The following GRM8 variants were observed in gnomAD, a reference collection of about 807,000 sequenced individuals.
GRM8 encodes the protein glutamate metabotropic receptor 8, also known as metabotropic glutamate receptor 8.
In GRM8, 47 loss-of-function variants were observed where a neutral mutation model predicts 87.2. That is an observed-to-expected ratio of 0.54 (90% CI 0.43 to 0.69). GRM8 has a LOEUF of 0.69. GRM8 is among the 30% of genes least tolerant of loss of function. GRM8 has a pLI of 0.00. For synonymous variants in GRM8, 396 were observed against 404.5 expected, an observed-to-expected ratio of 0.98 and a Z score of 0.25; for missense variants, 1,019 against 1,139.2, an observed-to-expected ratio of 0.89 and a Z score of 1.52.
rs559508665 is a variant in GRM8 at position 126,458,174 on chromosome 7, G to A, written c.2431-11802C>T. Among the ~76,000 whole-genome samples the A allele has an allele frequency of 4.4e-4, 67 of 151,068 alleles. 1 individual carries two copies. The highest frequency in any genetic ancestry group is 1.5e-3 in the African/African-American group (63 of 41,414). ...TCAGAGAAGACAAAAAAAGAAACAT[G>A]AGAACATAGTAAAAAGAAAACAGAA... On this transcript the variant is annotated intron_variant, in intron 9 of 10. Coordinates refer to ENST00000339582, the MANE Select transcript of GRM8 (RefSeq NM_000845.3).
At chr7:126,669,005 A>C (rs1396756232) in intron 7 of GRM8, among the ~76,000 whole-genome samples, 1 of 152,232 alleles carries the variant, frequency 6.6e-6, no homozygotes. Flanking sequence ...GAATGACATC[A>C]TGTCCTTTGC....
chr7:126,479,973 G>C (rs2150589341), intron 9 of GRM8, among the ~76,000 whole-genome samples: 1 of 152,184 alleles, frequency 6.6e-6, no homozygotes, highest in East Asian at 1.9e-4. Context: ...ACCAGAATGT[G>C]ATGGCAACCC....
intron 3 of GRM8, among the ~76,000 whole-genome samples, chr7:126,909,841 C>T (rs13246983): frequency 2.6e-5 from 4 of 152,074 alleles, no homozygotes; most frequent in South Asian, 2.1e-4. Flanking sequence ...GGGGTACCAA[C>T]GGCTTGCAAG....
intron 3 of GRM8, among the ~76,000 whole-genome samples, chr7:127,067,224 G>A (rs2132644683): frequency 6.6e-6 from 1 of 152,270 alleles, no homozygotes; most frequent in South Asian, 2.1e-4. Flanking sequence ...TTCAAGAGGA[G>A]CATCATAAAC....
chr7:126,702,852 A>G (rs1327639857), intron 7 of GRM8, among the ~76,000 whole-genome samples: 2 of 152,202 alleles, frequency 1.3e-5, no homozygotes, highest in Non-Finnish European at 2.9e-5. Context: ...CTGTCACAGA[A>G]TGCTAAGTGA....
At chr7:126,803,975 C>A (rs1007476882) in intron 6 of GRM8, among the ~76,000 whole-genome samples, 2 of 152,000 alleles carry the variant, frequency 1.3e-5, no homozygotes, top group Non-Finnish European at 2.9e-5. Flanking sequence ...TGATTGAGTA[C>A]CTTTTCTTTT....
chr7:127,019,052 T>G (rs1483058172), intron 3 of GRM8, among the ~76,000 whole-genome samples: 2 of 152,024 alleles, frequency 1.3e-5, no homozygotes, highest in Non-Finnish European at 2.9e-5. Flanking sequence ...GGAGTTATTA[T>G]TGTTAAGGAA....
intron 2 of GRM8, among the ~76,000 whole-genome samples, chr7:127,221,291 T>C (rs927566896): frequency 6.6e-6 from 1 of 152,164 alleles, no homozygotes; most frequent in Non-Finnish European, 1.5e-5. Context: ...CCCAGGCCAG[T>C]GGTTTTCACA....
At chr7:126,478,486 T>C (rs188947475) in intron 9 of GRM8, among the ~76,000 whole-genome samples, 329 of 152,222 alleles carry the variant, frequency 2.2e-3, no homozygotes, top group Admixed American at 3.6e-3. Context: ...TTCTCATAAT[T>C]AGAATAATTA....
intron 10 of GRM8, 47 bp from the exon 11 acceptor site, chr7:126,439,215 T>C (rs1801171443): frequency 4.0e-6 from 4 of 1,010,912 alleles, no homozygotes; most frequent in Non-Finnish European, 6.3e-6. Flanking sequence ...TAATAATACA[T>C]CCTTTTGTTA....
At chr7:127,133,476 C>G (rs1428230560) in intron 2 of GRM8, among the ~76,000 whole-genome samples, 2 of 151,738 alleles carry the variant, frequency 1.3e-5, no homozygotes, top group Non-Finnish European at 2.9e-5. Flanking sequence ...CTTTGGGATG[C>G]CGAGGCAGGC....
chr7:126,990,433 C>T (rs896987011), intron 3 of GRM8, among the ~76,000 whole-genome samples: 6 of 151,760 alleles, frequency 4.0e-5, no homozygotes, highest in East Asian at 1.9e-4. Context: ...ATTTTGCAAC[C>T]GTGAAATAAA....
At chr7:126,991,433 T>C (rs992224399) in intron 3 of GRM8, among the ~76,000 whole-genome samples, 1 of 152,220 alleles carries the variant, frequency 6.6e-6, no homozygotes, top group Non-Finnish European at 1.5e-5. Context: ...TTTCCATTTA[T>C]AGCTTTCCAT....
intron 3 of GRM8, among the ~76,000 whole-genome samples, chr7:127,074,780 T>C (rs532823863): frequency 6.6e-6 from 1 of 152,306 alleles, no homozygotes; most frequent in South Asian, 2.1e-4. Flanking sequence ...TAATATCTCT[T>C]GCTGGCACCT....
intron 2 of GRM8, among the ~76,000 whole-genome samples, chr7:127,113,374 C>T (rs1826496573): frequency 6.6e-6 from 1 of 152,206 alleles, no homozygotes; most frequent in South Asian, 2.1e-4. Flanking sequence ...TTCAATCTTT[C>T]TGCAAGAAAC....
intron 2 of GRM8, among the ~76,000 whole-genome samples, chr7:127,165,300 G>A (rs1201162693): frequency 6.6e-6 from 1 of 150,776 alleles, no homozygotes; most frequent in African/African-American, 2.4e-5. Context: ...CTAAAAGGGT[G>A]ACATTTTGAT....
At chr7:126,540,200 A>G (rs1216698820) in intron 8 of GRM8, among the ~76,000 whole-genome samples, 1 of 152,160 alleles carries the variant, frequency 6.6e-6, no homozygotes, top group African/African-American at 2.4e-5. Flanking sequence ...GTGCATGAAA[A>G]TATACCTAAC....
rs995067862 is a variant in GRM8 at position 127,106,619 on chromosome 7, G to C, written c.604C>G (p.Gln202Glu). The C allele has an allele frequency of 1.2e-6, 2 of 1,613,816 alleles. No homozygotes were observed. The highest frequency in any genetic ancestry group is 2.7e-5 in the African/African-American group (2 of 74,928). The change falls in exon 3 of 11, where the codon CAA (glutamine) becomes GAA (glutamate). Residue 202 changes from glutamine to glutamate, a missense_variant. Gln to Glu is a conservative substitution (Grantham distance 29). Transcript: ENST00000339582. ...ACGATGTCCACCATGGCTTGGGCTT[G>C]GTAGGAGTCAGGCGGAACCACTCGA... is the stretch of plus-strand genomic sequence containing the variant. ...FSRVVPPDSY[Q>E]AQAMVDIVTA... is the part of the protein sequence containing the mutation.
chr7:126,815,721 C>G (rs1370959682), intron 6 of GRM8, among the ~76,000 whole-genome samples: 1 of 152,062 alleles, frequency 6.6e-6, no homozygotes, highest in African/African-American at 2.4e-5. Context: ...GGTTCTTGGA[C>G]CCAAAACATC....
Sources: allele counts gnomAD v4.1 joint callset (sites outside exome capture counted in the v4.1 genomes callset), GRCh38; gene constraint gnomAD v4.1.1; transcripts MANE v1.5; gene names NCBI Gene and HGNC (gene_info 2026-07-23, HGNC 2026-07-21).